ZMAT4: variants seen among roughly 807,000 people sequenced by gnomAD.
ZMAT4 encodes the protein zinc finger matrin-type 4.
ZMAT4 carries 17 observed loss-of-function variants against 28.7 expected under a neutral mutation model. The observed-to-expected ratio is 0.59, with a 90% CI of 0.41 to 0.89. ZMAT4 has a LOEUF of 0.89. Among genes scored for constraint, ZMAT4 ranks in the 40% least tolerant of loss-of-function variants. The pLI is 0.00. For missense variants in ZMAT4, 240 were observed against 283.8 expected (o/e 0.85, Z 1.11); for synonymous variants, 117 against 109.2 (o/e 1.07, Z -0.44).
chr8:40,818,011 T>C (rs1207951953), intron 2 of ZMAT4, among the ~76,000 whole-genome samples: 1 of 152,234 alleles, frequency 6.6e-6, no homozygotes, highest in Non-Finnish European at 1.5e-5. Context: ...CATCAACGGC[T>C]GTCTGCAAAT....
rs530373787 is a variant in ZMAT4 at position 40,531,527 on chromosome 8, A to C, written c.*696T>G. 1.2e-4 allele frequency: 18 copies of C among 152,766 alleles called. No homozygotes were observed. The highest frequency in any genetic ancestry group is 4.3e-4 in the African/African-American group (18 of 41,572). The allele number at this position is 152,766 out of a possible 1,614,324, so 9.5% of individuals were successfully genotyped here. A position where few individuals can be genotyped will look rare whatever the true frequency, so the allele number is the denominator to read the frequency against. ...TGCCTAAGAAGATCATCATGCAGGC[A>C]GACTAATTCTTTTCCTAAGCTATTA... On this transcript the variant is annotated 3_prime_UTR_variant, in exon 7 of 7. Coordinates refer to ENST00000297737, the MANE Select transcript of ZMAT4 (RefSeq NM_024645.3).
chr8:40,798,109 C>T (rs139152911), intron 2 of ZMAT4, among the ~76,000 whole-genome samples: 22 of 152,296 alleles, frequency 1.4e-4, no homozygotes, highest in African/African-American at 4.8e-4. Context: ...CAGGGGGAAC[C>T]TCTACTTCAG....
intron 1 of ZMAT4, among the ~76,000 whole-genome samples, chr8:40,859,935 G>A (rs1324750564): frequency 1.3e-5 from 2 of 152,272 alleles, no homozygotes; most frequent in East Asian, 3.9e-4. Flanking sequence ...GAAAGATGTC[G>A]AGGTTAGGCT....
chr8:40,545,041 A>G (rs1432582345), intron 6 of ZMAT4, among the ~76,000 whole-genome samples: 1 of 152,084 alleles, frequency 6.6e-6, no homozygotes, highest in African/African-American at 2.4e-5. Flanking sequence ...GTTTACTGTG[A>G]TCATTGTGAG....
intron 2 of ZMAT4, among the ~76,000 whole-genome samples, chr8:40,817,826 G>C (rs752506078): frequency 6.6e-6 from 1 of 152,230 alleles, no homozygotes; most frequent in Non-Finnish European, 1.5e-5. Context: ...GAGATGGATA[G>C]TTGGTGGCCA....
rs139844190 is a variant in ZMAT4 at position 40,806,979 on chromosome 8, G to A, written c.102+18596C>T. ...AAGTCACCCACCTTTAGGATCTTAT[G>A]CTATTTGGCTGACCTAAATATAAGA... On this transcript the variant is annotated intron_variant, in intron 2 of 6. Transcript: ENST00000297737. Among the ~76,000 whole-genome samples, 343 of 151,946 alleles carry A rather than the reference G, an allele frequency of 2.3e-3. 1 individual carries two copies. Among genetic ancestry groups the A allele is most frequent in the Admixed American group, 4.7e-3 (72 of 15,238 alleles).
intron 1 of ZMAT4, among the ~76,000 whole-genome samples, chr8:40,848,519 A>T (rs1241657792): frequency 6.6e-6 from 1 of 152,210 alleles, no homozygotes; most frequent in East Asian, 1.9e-4. Flanking sequence ...ATTGAGGAGG[A>T]AAAAGCACAG....
chr8:40,660,349 T>A (rs1010781029), intron 5 of ZMAT4, among the ~76,000 whole-genome samples: 4 of 152,228 alleles, frequency 2.6e-5, no homozygotes, highest in African/African-American at 4.8e-5. Flanking sequence ...ATTCTTACAG[T>A]AAAGATATGC....
At chr8:40,641,114 T>C (rs1263101721) in intron 5 of ZMAT4, among the ~76,000 whole-genome samples, 1 of 152,188 alleles carries the variant, frequency 6.6e-6, no homozygotes, top group Non-Finnish European at 1.5e-5. Context: ...GCTAGCTTAA[T>C]CACAGTAAGA....
At chr8:40,677,826 A>T (rs1186202871) in intron 4 of ZMAT4, among the ~76,000 whole-genome samples, 1 of 152,234 alleles carries the variant, frequency 6.6e-6, no homozygotes, top group East Asian at 1.9e-4. Flanking sequence ...TTGATTTCAT[A>T]GTTTGTTTTT....
At chr8:40,795,675 T>A (rs2150582519) in intron 2 of ZMAT4, among the ~76,000 whole-genome samples, 1 of 152,312 alleles carries the variant, frequency 6.6e-6, no homozygotes, top group South Asian at 2.1e-4. Flanking sequence ...AAACTTTCAA[T>A]CCCCAGATTT....
intron 3 of ZMAT4, among the ~76,000 whole-genome samples, chr8:40,709,894 C>T (rs1367201136): frequency 7.2e-5 from 11 of 151,740 alleles, no homozygotes; most frequent in African/African-American, 2.7e-4. Flanking sequence ...AAAAATTAGC[C>T]GGGTGTGGTG....
intron 1 of ZMAT4, among the ~76,000 whole-genome samples, chr8:40,867,946 T>C (rs1352714341): frequency 6.6e-6 from 1 of 151,914 alleles, no homozygotes; most frequent in Admixed American, 6.6e-5. Context: ...AAAAAAAAAT[T>C]AAAGGATTTG....
At chr8:40,567,495 C>T (rs1015162665) in intron 6 of ZMAT4, among the ~76,000 whole-genome samples, 2 of 152,014 alleles carry the variant, frequency 1.3e-5, no homozygotes, top group African/African-American at 2.4e-5. Context: ...CTCTGGGAGG[C>T]TCAAGCGGGC....
At chr8:40,676,220 T>C (rs1055717479) in intron 4 of ZMAT4, among the ~76,000 whole-genome samples, 3 of 152,164 alleles carry the variant, frequency 2.0e-5, no homozygotes, top group East Asian at 3.9e-4. Context: ...CCAAAGCCAA[T>C]GTTCCCTTCA....
intron 6 of ZMAT4, among the ~76,000 whole-genome samples, chr8:40,577,947 A>G (rs941087930): frequency 6.6e-6 from 1 of 152,110 alleles, no homozygotes; most frequent in Non-Finnish European, 1.5e-5. Flanking sequence ...TAAAGAAGAT[A>G]TAAACAAACG....
intron 2 of ZMAT4, among the ~76,000 whole-genome samples, chr8:40,792,473 C>CAGGA (rs372079235): frequency 0.017 from 249 of 14,428 alleles, 4 homozygotes; most frequent in East Asian, 0.076. Flanking sequence ...GAATAGTATT[C>CAGGA]AGGAAGGAAG....
At chr8:40,756,065 C>G (rs551011684) in intron 3 of ZMAT4, among the ~76,000 whole-genome samples, 1 of 152,204 alleles carries the variant, frequency 6.6e-6, no homozygotes, top group South Asian at 2.1e-4. Context: ...ACACATTGAT[C>G]CTCTCCTTGG....
At chr8:40,550,327 T>C (rs117333201) in intron 6 of ZMAT4, among the ~76,000 whole-genome samples, 5,521 of 152,234 alleles carry the variant, frequency 0.036, 185 homozygotes, top group East Asian at 0.13. Context: ...CTTAGAATAG[T>C]GGTCTAACAG....
Sources: allele counts gnomAD v4.1 joint callset (sites outside exome capture counted in the v4.1 genomes callset), GRCh38; gene constraint gnomAD v4.1.1; transcripts MANE v1.5; gene names NCBI Gene and HGNC (gene_info 2026-07-23, HGNC 2026-07-21).